Variants in PIAS4 observed in about 807,000 individuals in gnomAD.
PIAS4 encodes protein inhibitor of activated STAT 4, also known as E3 SUMO-protein ligase PIAS4.
In PIAS4, 7 loss-of-function variants were observed where a neutral mutation model predicts 58.0. The observed-to-expected ratio is 0.12, with a 90% CI of 0.07 to 0.23. The LOEUF (loss-of-function observed/expected upper bound fraction) is 0.23. Among genes scored for constraint, PIAS4 ranks in the 10% least tolerant of loss-of-function variants. PIAS4 has a pLI of 1.00. For missense variants in PIAS4, 550 were observed against 709.5 expected (o/e 0.78, Z 2.55); for synonymous variants, 364 against 312.4 (o/e 1.17, Z -1.74).
At chr19:4,036,180 A>ATACGGTCCACACCGTCACACATCCG (rs2040281937) in intron 9 of PIAS4, among the ~76,000 whole-genome samples, 1 of 107,330 alleles carries the variant, frequency 9.3e-6, no homozygotes, top group Non-Finnish European at 2.2e-5. Context: ...ACACACATCT[A>ATACGGTCCACACCGTCACACATCCG]TACAGTCCAC....
chr19:4,013,237 G>C lies in PIAS4; in HGVS notation c.342G>C (p.Lys114Asn). 6.2e-7 allele frequency: 1 copy of C among 1,613,482 alleles called. No individual in the cohort carries two copies. The highest frequency in any genetic ancestry group is 8.5e-7 in the Non-Finnish European group (1 of 1,180,012). Residue 114 changes from lysine (K) to asparagine (N), a missense_variant, in exon 2 of 11, where the codon AAG (lysine) becomes AAC (asparagine). Physicochemically the swap from Lys to Asn is moderately conservative, Grantham distance 94. Transcript: ENST00000262971. The surrounding 1 kb of genome is among the most constrained non-coding windows in gnomAD (Gnocchi z 5.1). ...PNIDYPVLYG[K>N]YLNGLGRLPA... ...TTGACTACCCCGTGCTCTACGGAAA[G>C]TACTTAAACGGACTGGGACGGTTGC...
Position 4,037,280 on chromosome 19 carries a change from G to A in PIAS4, c.1143-94G>A. 1 of 1,457,236 alleles carries A rather than the reference G, an allele frequency of 6.9e-7. No homozygotes were observed. The highest frequency in any genetic ancestry group is 9.2e-7 in the Non-Finnish European group (1 of 1,085,452). 90.3% of individuals were successfully genotyped at this position (1,457,236 alleles called of 1,614,324 possible). On this transcript the variant is annotated intron_variant, in intron 9 of 10. Transcript: ENST00000262971. This position sits in a 1 kb window ranked among gnomAD's most constrained non-coding sequence, Gnocchi z 5.8. The stretch of plus-strand genomic sequence containing the variant: ...GGCTGCTCTTGCAGAGAGAAGTGGG[G>A]AGTGCCTGGCTGCATCCGGGAGGGA...
chr19:4,024,155 G>A (rs369476650), intron 3 of PIAS4, 35 bp downstream of exon 3: 137 of 1,229,186 alleles, frequency 1.1e-4, no homozygotes, highest in African/African-American at 4.2e-4. Flanking sequence ...GCACCCCACC[G>A]CCCGCCCACC....
chr19:4,009,248 C>T (rs1443667746), intron 1 of PIAS4, among the ~76,000 whole-genome samples: 3 of 152,108 alleles, frequency 2.0e-5, no homozygotes, highest in African/African-American at 7.2e-5. Flanking sequence ...GCACTCAGGG[C>T]TCTGTGATTA....
chr19:4,007,775 G>A lies in PIAS4; in HGVS notation c.15G>A (p.Leu5=). ...TGGTGACCAAGATGGCGGCGGAGCT[G>A]GTGGAGGCCAAAGTGAGTGAGCGGT... MAAE[L]VEAKNMVMSF... is the part of the protein sequence containing the mutation. The change falls in exon 1 of 11, where the codon CTG becomes CTA. Residue 5 remains leucine (L), a synonymous_variant. Coordinates refer to ENST00000262971, the MANE Select transcript of PIAS4 (RefSeq NM_015897.4). 8.2e-7 allele frequency: 1 copy of A among 1,216,496 alleles called. No individual in the cohort carries two copies. Among genetic ancestry groups the A allele is most frequent in the Non-Finnish European group, 1.0e-6 (1 of 971,494 alleles). 75.4% of individuals were successfully genotyped at this position (1,216,496 alleles called of 1,614,324 possible).
At chr19:4,011,234 G>A (rs543462249) in intron 1 of PIAS4, among the ~76,000 whole-genome samples, 8 of 152,196 alleles carry the variant, frequency 5.3e-5, no homozygotes, top group Non-Finnish European at 1.0e-4. Flanking sequence ...CACCCTTGAC[G>A]CTTGAGCTTT....
chr19:4,037,358 G>A lies in PIAS4; in HGVS notation c.1143-16G>A. On this transcript the variant is annotated splice_polypyrimidine_tract_variant and intron_variant, in intron 9 of 10. Coordinates refer to ENST00000262971, the MANE Select transcript of PIAS4 (RefSeq NM_015897.4). The surrounding 1 kb of genome is among the most constrained non-coding windows in gnomAD (Gnocchi z 5.8). ...GGCACCTCCAGCCCCGGCGTCAGCTGTCCGCCTCGCCCCAGGCTCCTCTCG... is the reference window on the plus strand; with the variant it reads ...GGCACCTCCAGCCCCGGCGTCAGCTATCCGCCTCGCCCCAGGCTCCTCTCG... 6.3e-7 allele frequency: 1 copy of A among 1,594,276 alleles called. No homozygotes were observed. The highest frequency in any genetic ancestry group is 8.6e-7 in the Non-Finnish European group (1 of 1,167,760).
At chr19:4,036,835 C>T (rs1422816309) in intron 9 of PIAS4, among the ~76,000 whole-genome samples, 6 of 141,890 alleles carry the variant, frequency 4.2e-5, no homozygotes, top group East Asian at 2.0e-4. Flanking sequence ...CACACCGTCA[C>T]ACACACACGC....
Position 4,039,144 on chromosome 19 carries a change from C to G in PIAS4, c.*1269C>G, listed in dbSNP as rs2040334751. 1 of 152,282 alleles carries G rather than the reference C, an allele frequency of 6.6e-6. No individual in the cohort carries two copies. The allele number at this position is 152,282 out of a possible 1,614,324, so 9.4% of individuals were successfully genotyped here. A position where few individuals can be genotyped will look rare whatever the true frequency, so the allele number is the denominator to read the frequency against. On this transcript the variant is annotated 3_prime_UTR_variant, in exon 11 of 11. Transcript: ENST00000262971. Reference sequence around the variant, plus strand: ...CGGTCTGTTTTGCTTTTGTCCTCCCCAGCCCAGAATTTTCCTTTGTATAAA... The same window carrying G: ...CGGTCTGTTTTGCTTTTGTCCTCCCGAGCCCAGAATTTTCCTTTGTATAAA...
rs530785241 is a variant in PIAS4, at chr19:4,038,020, C to G, written c.*145C>G. On this transcript the variant is annotated 3_prime_UTR_variant, in exon 11 of 11. Coordinates refer to ENST00000262971, the MANE Select transcript of PIAS4 (RefSeq NM_015897.4). The surrounding 1 kb of genome is among the most constrained non-coding windows in gnomAD (Gnocchi z 4.1). ...CACCCTTTTGCCTGGCTCCTGGCACCTGTACCTCTGGACTCTCCTATCGGG... is the reference window on the plus strand; with the variant it reads ...CACCCTTTTGCCTGGCTCCTGGCACGTGTACCTCTGGACTCTCCTATCGGG... 145 of 753,410 alleles carry G rather than the reference C, an allele frequency of 1.9e-4. No homozygotes were observed. The African/African-American group carries it at 2.2e-3, about 12-fold the overall frequency. The allele number at this position is 753,410 out of a possible 1,614,324, so 46.7% of individuals were successfully genotyped here.
chr19:4,016,195 G>A (rs569209601), intron 2 of PIAS4, among the ~76,000 whole-genome samples: 1 of 152,362 alleles, frequency 6.6e-6, no homozygotes, highest in African/African-American at 2.4e-5. Context: ...TAGGGAGCCT[G>A]ACCCTCCTGT....
chr19:4,036,967 A>G (rs776054652), intron 9 of PIAS4, among the ~76,000 whole-genome samples: 3 of 152,148 alleles, frequency 2.0e-5, no homozygotes, highest in Non-Finnish European at 2.9e-5. Context: ...GCACACGTGC[A>G]CACACACGCA....
intron 9 of PIAS4, among the ~76,000 whole-genome samples, chr19:4,036,468 C>T (rs2040288107): frequency 6.7e-6 from 1 of 148,228 alleles, no homozygotes; most frequent in South Asian, 2.2e-4. Flanking sequence ...ACGGTCCACA[C>T]CGTCACACAT....
Position 4,029,017 on chromosome 19 carries a change from G to A in PIAS4, c.888G>A (p.Pro296=), listed in dbSNP as rs754525093. The change falls in exon 7 of 11, where the codon CCG becomes CCA. Residue 296 remains proline (P), a synonymous_variant. Transcript: ENST00000262971. ...QRLKTIGVKH[P]ELCKALVKEK... ...TGAAGACCATTGGGGTAAAGCACCC[G>A]GAGCTGTGCAAGGCACTGGGTGAGC... 31 of 1,606,038 alleles carry A rather than the reference G, an allele frequency of 1.9e-5. No homozygotes were observed. The highest frequency in any genetic ancestry group is 2.3e-5 in the Non-Finnish European group (27 of 1,176,582).
intron 7 of PIAS4, among the ~76,000 whole-genome samples, chr19:4,031,812 C>T (rs2379623): frequency 0.58 from 88,410 of 152,180 alleles, 29,703 homozygotes; most frequent in East Asian, 0.94. Flanking sequence ...ACCCTTCCTG[C>T]TGCGCACGTC....
intron 7 of PIAS4, among the ~76,000 whole-genome samples, chr19:4,030,385 C>T (rs1354557876): frequency 2.0e-5 from 3 of 151,804 alleles, no homozygotes; most frequent in African/African-American, 4.8e-5. Flanking sequence ...TTTGGGAGGC[C>T]GAGGCGGGCA....
chr19:4,008,146 C>T (rs2144899742), intron 1 of PIAS4, among the ~76,000 whole-genome samples: 1 of 152,208 alleles, frequency 6.6e-6, no homozygotes, highest in East Asian at 1.9e-4. Context: ...TTGAGCTACT[C>T]GTTGCCCTCT....
intron 1 of PIAS4, among the ~76,000 whole-genome samples, chr19:4,009,943 G>T (rs2039977038): frequency 1.3e-5 from 2 of 152,182 alleles, no homozygotes; most frequent in African/African-American, 4.8e-5. Flanking sequence ...CTTTCCTGGA[G>T]AGAGGCGCCT....
intron 2 of PIAS4, among the ~76,000 whole-genome samples, chr19:4,016,670 G>T (rs1339725543): frequency 1.3e-5 from 2 of 152,210 alleles, no homozygotes; most frequent in African/African-American, 4.8e-5. Flanking sequence ...CAGCGTTTCA[G>T]TCCAGACCCG....
Sources: gnomAD v4.1 joint callset for allele counts (sites outside exome capture counted in the v4.1 genomes callset) on GRCh38, gnomAD v4.1.1 for gene constraint, Gnocchi (gnomAD v3.1) non-coding constraint, MANE v1.5 for transcripts, NCBI Gene and HGNC (gene_info 2026-07-23, HGNC 2026-07-21) for gene names.